Variants in TBC1D2B observed in about 807,000 individuals in gnomAD.
The protein encoded by TBC1D2B is TBC1 domain family member 2B.
Under a neutral mutation model 100.8 loss-of-function variants are expected in TBC1D2B, and 64 were observed. The observed-to-expected ratio is 0.64, with a 90% CI of 0.52 to 0.78. The LOEUF (loss-of-function observed/expected upper bound fraction) is 0.78. Among genes scored for constraint, TBC1D2B ranks in the 30% least tolerant of loss-of-function variants. TBC1D2B has a pLI of 0.00. For synonymous variants in TBC1D2B, 480 were observed against 479.7 expected, an observed-to-expected ratio of 1.00 and a Z score of -0.01; for missense variants, 1,052 against 1,218.4, an observed-to-expected ratio of 0.86 and a Z score of 2.03.
Position 78,030,154 on chromosome 15 carries a change from A to G in TBC1D2B, c.700T>C (p.Phe234Leu). The change falls in exon 4 of 13, where the codon TTC becomes CTC. Residue 234 changes from phenylalanine (F) to leucine (L), a missense_variant. Transcript: ENST00000300584. ...GNELKNSMSS[F>L]RPGRGHNDSR... is the part of the protein sequence containing the mutation. ...TCATTATGTCCTCTCCCAGGACGGA[A>G]AGAAGACATCGAATTCCTGTTGGGA... 1 of 1,607,214 alleles carries G rather than the reference A, an allele frequency of 6.2e-7. No homozygotes were observed. The highest frequency in any genetic ancestry group is 8.5e-7 in the Non-Finnish European group (1 of 1,178,046).
At chr15:78,041,663 T>G (rs528446760) in intron 3 of TBC1D2B, among the ~76,000 whole-genome samples, 5 of 152,268 alleles carry the variant, frequency 3.3e-5, no homozygotes, top group African/African-American at 9.6e-5. Flanking sequence ...GGCATTTTAT[T>G]TAAAACTTCA....
chr15:77,999,412 C>T (rs2071851317), intron 12 of TBC1D2B: 3 of 400,746 alleles, frequency 7.5e-6, no homozygotes, highest in Non-Finnish European at 1.5e-5. Flanking sequence ...TAACTCTCGT[C>T]CAGAGGCTTA....
chr15:78,073,894 G>A (rs892574231), intron 1 of TBC1D2B, among the ~76,000 whole-genome samples: 3 of 151,244 alleles, frequency 2.0e-5, no homozygotes, highest in Admixed American at 6.6e-5. Context: ...GCTTGAACCC[G>A]GGAGCCAGAG....
chr15:78,040,573 G>A (rs957398181), intron 3 of TBC1D2B, among the ~76,000 whole-genome samples: 6 of 134,188 alleles, frequency 4.5e-5, no homozygotes, highest in Admixed American at 1.6e-4. Flanking sequence ...AGAAAAGAAA[G>A]GAAAGGAAAG....
intron 2 of TBC1D2B, among the ~76,000 whole-genome samples, chr15:78,051,584 T>C (rs1477790070): frequency 6.6e-6 from 1 of 152,218 alleles, no homozygotes; most frequent in Non-Finnish European, 1.5e-5. Flanking sequence ...GCTAGGAGGG[T>C]CCTGATGGGT....
intron 6 of TBC1D2B, among the ~76,000 whole-genome samples, chr15:78,019,265 A>C (rs766075680): frequency 1.3e-4 from 20 of 152,322 alleles, no homozygotes; most frequent in Middle Eastern, 3.4e-3. Flanking sequence ...CGTGCTAGGC[A>C]TGTGAGATTC....
At chr15:78,069,139 G>A (rs1178214831) in intron 1 of TBC1D2B, among the ~76,000 whole-genome samples, 1 of 152,216 alleles carries the variant, frequency 6.6e-6, no homozygotes, top group Non-Finnish European at 1.5e-5. Context: ...CCCCTCAGAC[G>A]TGAGGTGGGA....
At chr15:78,002,632 TG>T (rs2071945605) in intron 11 of TBC1D2B, 1 of 152,262 alleles carries the variant, frequency 6.6e-6, no homozygotes, top group Admixed American at 6.5e-5. Context: ...GTTTGTTTTC[TG>T]GGTCTTGCTG....
chr15:78,016,694 G>A lies in TBC1D2B; in HGVS notation c.1627C>T (p.Leu543=). The A allele has an allele frequency of 6.3e-7, 1 of 1,593,858 alleles. No individual in the cohort carries two copies. Among genetic ancestry groups the A allele is most frequent in the Non-Finnish European group, 8.5e-7 (1 of 1,171,208 alleles). ...AKLCQIESKY[L]ILLQEMKTPV... ...GTCTTCATTTCTTGGAGCAATATCA[G>A]GTATTTACTTTCTATCTGGCAGAGC... The change falls in exon 8 of 13, where the codon CTG becomes TTG. Residue 543 remains leucine (L), a synonymous_variant. Transcript: ENST00000300584.
chr15:78,009,713 G>C (rs907812746), intron 9 of TBC1D2B, among the ~76,000 whole-genome samples: 1 of 152,172 alleles, frequency 6.6e-6, no homozygotes, highest in African/African-American at 2.4e-5. Flanking sequence ...AATGGCTCAC[G>C]CCTGTAATCC....
intron 1 of TBC1D2B, among the ~76,000 whole-genome samples, chr15:78,055,902 G>A (rs763290495): frequency 3.9e-5 from 6 of 152,178 alleles, no homozygotes; most frequent in East Asian, 3.8e-4. Flanking sequence ...CAGAGCAGGC[G>A]ACGCGGGGCT....
At chr15:78,072,675 T>C (rs994370322) in intron 1 of TBC1D2B, among the ~76,000 whole-genome samples, 7 of 152,172 alleles carry the variant, frequency 4.6e-5, no homozygotes, top group Admixed American at 3.9e-4. Context: ...AGGGAGGAAT[T>C]CATTTGCTGA....
chr15:78,022,828 C>T (rs997695071), intron 6 of TBC1D2B, among the ~76,000 whole-genome samples: 6 of 151,996 alleles, frequency 3.9e-5, no homozygotes, highest in African/African-American at 1.5e-4. Context: ...CTATCACAGG[C>T]GTGAGCCACT....
At chr15:78,044,128 A>G (rs1261582544) in intron 3 of TBC1D2B, among the ~76,000 whole-genome samples, 1 of 152,112 alleles carries the variant, frequency 6.6e-6, no homozygotes, top group Non-Finnish European at 1.5e-5. Context: ...GGTTGGGGGA[A>G]ATGAGAAGGA....
intron 9 of TBC1D2B, among the ~76,000 whole-genome samples, chr15:78,012,038 G>C (rs1018513393): frequency 6.6e-6 from 1 of 152,196 alleles, no homozygotes; most frequent in Admixed American, 6.5e-5. Context: ...GCCTCCCAAA[G>C]TGTTGGGATT....
intron 1 of TBC1D2B, among the ~76,000 whole-genome samples, chr15:78,058,780 C>T (rs961806833): frequency 6.6e-6 from 1 of 152,208 alleles, no homozygotes; most frequent in Non-Finnish European, 1.5e-5. Flanking sequence ...GCCAGACAGG[C>T]ATTCCACTCA....
In TBC1D2B at chr15:77,997,654, CT is replaced by C. The variant is rs1391784939; in HGVS notation, c.*505del. 1.3e-5 allele frequency: 2 copies of C among 152,476 alleles called. No individual in the cohort carries two copies. The highest frequency in any genetic ancestry group is 6.5e-5 in the Admixed American group (1 of 15,292). 9.4% of individuals were successfully genotyped at this position (152,476 alleles called of 1,614,324 possible). On this transcript the variant is annotated 3_prime_UTR_variant, in exon 13 of 13. Coordinates refer to ENST00000300584, the MANE Select transcript of TBC1D2B (RefSeq NM_144572.2). ...CATTTCTGAACAAGGGATGTGCCTG[CT>C]TTTCTAAGGCAGCCCCTTTTCATAC... is the stretch of plus-strand genomic sequence containing the variant.
chr15:78,073,137 G>C (rs1285083601), intron 1 of TBC1D2B, among the ~76,000 whole-genome samples: 1 of 152,110 alleles, frequency 6.6e-6, no homozygotes, highest in Non-Finnish European at 1.5e-5. Context: ...TTTCAGAGAG[G>C]GTCTGAGTCT....
chr15:78,029,929 A>T (rs766269929), intron 4 of TBC1D2B, 78 bp downstream of exon 4: 58 of 1,230,760 alleles, frequency 4.7e-5, no homozygotes, highest in Non-Finnish European at 6.1e-5. Flanking sequence ...AATACCTGCT[A>T]ATAATGTGTC....
Sources: gnomAD v4.1 joint callset for allele counts (sites outside exome capture counted in the v4.1 genomes callset) on GRCh38, gnomAD v4.1.1 for gene constraint, MANE v1.5 for transcripts, NCBI Gene and HGNC (gene_info 2026-07-23, HGNC 2026-07-21) for gene names.